SPECC1L: variants seen among roughly 807,000 people sequenced by gnomAD.
SPECC1L encodes cytospin-A.
SPECC1L carries 40 observed loss-of-function variants against 116.8 expected under a neutral mutation model. The observed-to-expected ratio is 0.34, with a 90% CI of 0.27 to 0.45. SPECC1L has a LOEUF of 0.45. Among genes scored for constraint, SPECC1L ranks in the 20% least tolerant of loss-of-function variants. SPECC1L has a pLI of 1.00. For synonymous variants in SPECC1L, 504 were observed against 500.6 expected (o/e 1.01, Z -0.09); for missense variants, 1,110 against 1,373.6 (o/e 0.81, Z 3.03).
rs1217501347 is a variant in SPECC1L, at chr22:24,412,271, T to C, written c.3205-377T>C. The stretch of plus-strand genomic sequence containing the variant: ...CCACCCCAGTCCCCTGCTTCCCCCA[T>C]GTCAGCCCCCAGCCCTGCAGACAAC... On this transcript the variant is annotated intron_variant, in intron 15 of 16. Coordinates refer to ENST00000314328, the MANE Select transcript of SPECC1L (RefSeq NM_015330.6). 2.8e-5 allele frequency: 10 copies of C among 361,184 alleles called. No homozygotes were observed. In the East Asian group the frequency reaches 5.6e-4, roughly 20 times the overall value. The allele number at this position is 361,184 out of a possible 1,614,324, so 22.4% of individuals were successfully genotyped here.
chr22:24,289,347 C>T (rs545762048), intron 2 of SPECC1L, among the ~76,000 whole-genome samples: 12 of 152,290 alleles, frequency 7.9e-5, no homozygotes, highest in Admixed American at 7.2e-4. Flanking sequence ...CCAGGCTTGT[C>T]ACTTGTCTGG....
chr22:24,326,224 C>A (rs924339356), intron 6 of SPECC1L, among the ~76,000 whole-genome samples: 1 of 152,212 alleles, frequency 6.6e-6, no homozygotes, highest in African/African-American at 2.4e-5. Flanking sequence ...TGCCACCACG[C>A]CTGACCGCCT....
At chr22:24,311,804 C>CA (rs915422222) in intron 3 of SPECC1L, among the ~76,000 whole-genome samples, 2,547 of 45,448 alleles carry the variant, frequency 0.056, 124 homozygotes, top group South Asian at 0.11. Context: ...GACTTTGTCT[C>CA]AAAAAAAAAA....
rs778366845 is a variant in SPECC1L, at chr22:24,324,406, C to G, written c.2125C>G (p.Leu709Val). ...QHRAVKLHDN[L>V]IISDLENTVK... ...TCGTGCTGTGAAACTTCATGACAAC[C>G]TCATTATTTCTGATCTAGAGAGTAA... Residue 709 changes from leucine to valine, a missense_variant, in exon 6 of 17, where the codon CTC (leucine) becomes GTC (valine). Leu to Val is a conservative substitution (Grantham distance 32). Coordinates refer to ENST00000314328, the MANE Select transcript of SPECC1L (RefSeq NM_015330.6). The G allele has an allele frequency of 6.2e-7, 1 of 1,613,812 alleles. No homozygotes were observed. Among genetic ancestry groups the G allele is most frequent in the Admixed American group, 1.7e-5 (1 of 60,012 alleles).
At position 24,380,664 on chromosome 22, in the gene SPECC1L, C is replaced by T. The variant is rs566781783; in HGVS notation, c.3087+11344C>T. Among the ~76,000 whole-genome samples the T allele has an allele frequency of 9.2e-5, 14 of 152,258 alleles. 1 individual carries two copies. The South Asian group carries it at 2.9e-3, about 32-fold the overall frequency. ...TTTTTCTCTTTTAACTTGTGCCCTG[C>T]CATTTATCATACATTGAAGCTTTAG... On this transcript the variant is annotated intron_variant, in intron 14 of 16. Transcript: ENST00000314328.
intron 4 of SPECC1L, among the ~76,000 whole-genome samples, chr22:24,317,856 G>A (rs2040630524): frequency 6.6e-6 from 1 of 151,774 alleles, no homozygotes; most frequent in African/African-American, 2.4e-5. Flanking sequence ...GGTGCGGCCG[G>A]GCAGAGACGC....
intron 14 of SPECC1L, among the ~76,000 whole-genome samples, chr22:24,378,712 A>G (rs1361847825): frequency 6.6e-6 from 1 of 152,224 alleles, no homozygotes; most frequent in Non-Finnish European, 1.5e-5. Flanking sequence ...ATGGCTAGTC[A>G]GTGGATCATT....
intron 5 of SPECC1L, chr22:24,323,129 G>C: frequency 1.0e-6 from 1 of 980,240 alleles, no homozygotes; most frequent in Non-Finnish European, 1.2e-6. Context: ...CTTGTATTTT[G>C]TTTCTGTTTT....
chr22:24,316,436 T>C (rs5760333), intron 4 of SPECC1L, among the ~76,000 whole-genome samples: 4,582 of 149,790 alleles, frequency 0.031, 216 homozygotes, highest in South Asian at 0.1. Context: ...CCTTCCGCAG[T>C]GTTTGTGTCC....
intron 14 of SPECC1L, among the ~76,000 whole-genome samples, chr22:24,409,388 A>G (rs1015716465): frequency 1.3e-5 from 2 of 152,176 alleles, no homozygotes; most frequent in African/African-American, 4.8e-5. Context: ...TGTCTGCATA[A>G]AGTGTGAATT....
At position 24,328,875 on chromosome 22, in the gene SPECC1L, C is replaced by T. The variant is rs201992569; in HGVS notation, c.2176C>T (p.His726Tyr). The T allele has an allele frequency of 5.0e-6, 8 of 1,613,504 alleles. No individual in the cohort carries two copies. Among genetic ancestry groups the T allele is most frequent in the Non-Finnish European group, 6.8e-6 (8 of 1,179,684 alleles). ...NTVKKLQDQK[H>Y]DMEREIKTLH... is the part of the protein sequence containing the mutation. ...AGTTAAAAAACTCCAGGACCAAAAG[C>T]ACGACATGGAAAGAGAAATAAAGAC... Residue 726 changes from histidine (H) to tyrosine (Y), a missense_variant, in exon 7 of 17, where the codon CAC (histidine) becomes TAC (tyrosine). His to Tyr is a moderately conservative substitution (Grantham distance 83). Coordinates refer to ENST00000314328, the MANE Select transcript of SPECC1L (RefSeq NM_015330.6).
chr22:24,279,359 T>C (rs1029211224), intron 2 of SPECC1L, among the ~76,000 whole-genome samples: 2 of 152,138 alleles, frequency 1.3e-5, no homozygotes, highest in Admixed American at 6.5e-5. Flanking sequence ...ACGTTTCTCT[T>C]CTGATTTTTA....
At chr22:24,381,168 T>C (rs1035023985) in intron 14 of SPECC1L, among the ~76,000 whole-genome samples, 1 of 152,226 alleles carries the variant, frequency 6.6e-6, no homozygotes, top group African/African-American at 2.4e-5. Flanking sequence ...GAGCTTGTGT[T>C]GCATCACTGT....
rs201151869 is a variant in SPECC1L, at chr22:24,328,918, G to T, written c.2219G>T (p.Arg740Leu). The T allele has an allele frequency of 6.2e-7, 1 of 1,611,062 alleles. No homozygotes were observed. The highest frequency in any genetic ancestry group is 1.1e-5 in the South Asian group (1 of 90,990). Residue 740 changes from arginine (R) to leucine (L), a missense_variant and splice_region_variant, in exon 7 of 17, where the codon CGG (arginine) becomes CTG (leucine). By Grantham distance (102) the Arg-to-Leu change is moderately radical (BLOSUM62 -2). Around this residue, in one of 4 missense-constraint regions of SPECC1L, gnomAD observed 575 missense variants for 682.4 expected, o/e 0.84. Coordinates refer to ENST00000314328, the MANE Select transcript of SPECC1L (RefSeq NM_015330.6). Reference protein sequence around the residue: ...REIKTLHRRLREESAEWRQFQ... With the variant: ...REIKTLHRRLLEESAEWRQFQ... ...ATAAAGACACTCCACAGAAGACTTC[G>T]GGTAGGATAAATCTTCATGTATTGT...
intron 4 of SPECC1L, among the ~76,000 whole-genome samples, chr22:24,317,228 A>G (rs1403602278): frequency 1.1e-4 from 8 of 72,366 alleles, no homozygotes; most frequent in Middle Eastern, 0.012. Flanking sequence ...GGCGCCCCTC[A>G]CCTCCCGGAT....
At chr22:24,359,784 C>T (rs1275049277) in intron 11 of SPECC1L, among the ~76,000 whole-genome samples, 1 of 152,196 alleles carries the variant, frequency 6.6e-6, no homozygotes, top group African/African-American at 2.4e-5. Flanking sequence ...CTAAGCTCTC[C>T]TTTGCCTGCA....
At chr22:24,392,780 G>A (rs2042296591) in intron 14 of SPECC1L, among the ~76,000 whole-genome samples, 1 of 152,170 alleles carries the variant, frequency 6.6e-6, no homozygotes, top group African/African-American at 2.4e-5. Context: ...CAGTTTGGGT[G>A]GGGCTTAGTG....
chr22:24,365,445 C>CTATA (rs756827803), intron 12 of SPECC1L, 31 bp from the exon 13 acceptor site: 2 of 1,610,178 alleles, frequency 1.2e-6, no homozygotes, highest in East Asian at 4.5e-5. Context: ...AATGTTTTTG[C>CTATA]TATAGAGTGC....
intron 12 of SPECC1L, among the ~76,000 whole-genome samples, chr22:24,364,249 G>A (rs2041704579): frequency 1.3e-5 from 2 of 152,210 alleles, no homozygotes; most frequent in Non-Finnish European, 2.9e-5. Flanking sequence ...TTCTAATGAG[G>A]TAGTACAGTG....
Sources: gnomAD v4.1 joint callset for allele counts (sites outside exome capture counted in the v4.1 genomes callset) on GRCh38, gnomAD v4.1.1 for gene constraint, gnomAD v4.1.1 regional missense constraint, MANE v1.5 for transcripts, NCBI Gene and HGNC (gene_info 2026-07-23, HGNC 2026-07-21) for gene names.